UNC5A: variants seen among roughly 807,000 people sequenced by gnomAD.
UNC5A encodes the protein unc-5 netrin receptor A.
Under a neutral mutation model 87.4 loss-of-function variants are expected in UNC5A, and 20 were observed. The observed-to-expected ratio is 0.23, with a 90% confidence interval of 0.16 to 0.33. UNC5A has a LOEUF of 0.33. Among genes scored for constraint, UNC5A ranks in the 10% least tolerant of loss-of-function variants. The pLI, the probability that UNC5A is intolerant of heterozygous loss-of-function variation, is 1.00. For synonymous variants in UNC5A, 438 were observed against 482.3 expected (o/e 0.91, Z 1.20); for missense variants, 844 against 1,133.4 (o/e 0.74, Z 3.67).
chr5:176,863,770 TCC>T (rs1302057758), intron 2 of UNC5A, among the ~76,000 whole-genome samples: 1 of 35,978 alleles, frequency 2.8e-5, no homozygotes, highest in Non-Finnish European at 5.1e-5. Context: ...CTCCTCCCCC[TCC>T]CCTCCTCCTT....
intron 1 of UNC5A, among the ~76,000 whole-genome samples, chr5:176,832,911 C>G (rs796989037): frequency 3.9e-5 from 6 of 152,256 alleles, no homozygotes; most frequent in African/African-American, 1.4e-4. Flanking sequence ...GAGGTGGAGG[C>G]AGGGACAGAA....
chr5:176,837,963 C>T (rs1252724466), intron 1 of UNC5A, among the ~76,000 whole-genome samples: 17 of 152,198 alleles, frequency 1.1e-4, no homozygotes, highest in Non-Finnish European at 8.8e-5. Flanking sequence ...TTTATCCATC[C>T]GCAGAAATTA....
intron 1 of UNC5A, among the ~76,000 whole-genome samples, chr5:176,831,883 C>CTTTTTTTTTTTT (rs1285414321): frequency 1.7e-4 from 20 of 115,302 alleles, no homozygotes; most frequent in African/African-American, 6.6e-4. Context: ...CTTTCTCTCT[C>CTTTTTTTTTTTT]TCTTTTTTTT....
Position 176,869,146 on chromosome 5 carries a change from C to T in UNC5A, c.721+182C>T, listed in dbSNP as rs768279738. Among the ~76,000 whole-genome samples, 6 of 152,090 alleles carry T rather than the reference C, an allele frequency of 3.9e-5. No individual in the cohort carries two copies. Among genetic ancestry groups the T allele is most frequent in the African/African-American group, 7.2e-5 (3 of 41,420 alleles). ...CTGGGGGCCCAGGGGCATGTCTGGG[C>T]AAAGGAGTGGGACAGATTGGAGGTC... On this transcript the variant is annotated intron_variant, in intron 5 of 14. Transcript: ENST00000329542. This position sits in a 1 kb window ranked among gnomAD's most constrained non-coding sequence, Gnocchi z 9.1.
rs753252194 is a variant in UNC5A, at chr5:176,879,352, G to C, written c.2227G>C (p.Gly743Arg). ...GCTGCTGGCTCTGGAGAGTGAAGCG[G>C]GGGTCCCAGCCCTGGTGGGCCCCAG... ...AELLALESEA[G>R]VPALVGPSAF... is the part of the protein sequence containing the mutation. The change falls in exon 14 of 15, where the codon GGG becomes CGG. Residue 743 changes from glycine to arginine, a missense_variant. Gly to Arg is a moderately radical substitution (Grantham distance 125). Transcript: ENST00000329542. The C allele has an allele frequency of 1.2e-5, 19 of 1,611,866 alleles. No individual in the cohort carries two copies. The Admixed American group carries it at 3.2e-4, about 27-fold the overall frequency.
In UNC5A at chr5:176,862,670, C is replaced by T; in HGVS notation, c.117C>T (p.Asn39=). Residue 39 remains asparagine (N), a synonymous_variant, in exon 2 of 15, where the codon AAC becomes AAT. Transcript: ENST00000329542. ...ATVANPVPGA[N]PDLLPHFLVE... ...TGGCCAACCCAGTGCCTGGTGCCAACCCGGACCTGCTTCCCCACTTCCTGG... is the reference window on the plus strand; with the variant it reads ...TGGCCAACCCAGTGCCTGGTGCCAATCCGGACCTGCTTCCCCACTTCCTGG... 6 of 1,613,634 alleles carry T rather than the reference C, an allele frequency of 3.7e-6. No homozygotes were observed. Among genetic ancestry groups the T allele is most frequent in the Non-Finnish European group, 4.2e-6 (5 of 1,179,992 alleles).
rs767500072 is a variant in UNC5A, at chr5:176,877,689, G to A, written c.1621G>A (p.Glu541Lys). 1.2e-5 allele frequency: 19 copies of A among 1,604,320 alleles called. No individual in the cohort carries two copies. The highest frequency in any genetic ancestry group is 4.4e-5 in the South Asian group (4 of 90,478). Residue 541 changes from glutamate to lysine, a missense_variant, in exon 10 of 15, where the codon GAG becomes AAG. Physicochemically the swap from Glu to Lys is moderately conservative, Grantham distance 56 (BLOSUM62 1). This residue lies in a region of UNC5A where 353 missense variants were observed against 387.5 expected (regional missense o/e 0.91). Transcript: ENST00000329542. The stretch of plus-strand genomic sequence containing the variant: ...CCTGCGCCTCAAAAAGCAGTCGTGC[G>A]AGGGCAGCTGGGAGGTGAGCAGGGA... ...WSLRLKKQSC[E>K]GSWEDVLHLG... is the part of the protein sequence containing the mutation.
At chr5:176,857,209 T>C (rs1450450660) in intron 1 of UNC5A, among the ~76,000 whole-genome samples, 1 of 152,270 alleles carries the variant, frequency 6.6e-6, no homozygotes, top group African/African-American at 2.4e-5. Context: ...TTTGCTTTGT[T>C]TCCCCAACTT....
chr5:176,854,498 C>T (rs1757621399), intron 1 of UNC5A, among the ~76,000 whole-genome samples: 1 of 152,214 alleles, frequency 6.6e-6, no homozygotes, highest in African/African-American at 2.4e-5. Flanking sequence ...CACTGGGCTC[C>T]TGCTCCCCCT....
chr5:176,830,783 C>T lies in UNC5A; in HGVS notation c.70+19963C>T, dbSNP rs554243914. 1.1e-4 allele frequency among the ~76,000 whole-genome samples: 11 copies of T among 103,816 alleles called. No homozygotes were observed. In the East Asian group the frequency reaches 1.9e-3, roughly 17 times the overall value. The allele number at this position is 103,816 out of a possible 152,430, so 68.1% of individuals were successfully genotyped here. A position where few individuals can be genotyped will look rare whatever the true frequency, so the allele number is the denominator to read the frequency against. On this transcript the variant is annotated intron_variant, in intron 1 of 14. Transcript: ENST00000329542. ...GTGTGTGTAGGTGTGTGTGTACTGG[C>T]GTGTGTGTGCTGGCATGTGTGTGTG...
In UNC5A at chr5:176,865,867, C is replaced by G. The variant is rs1757963306; in HGVS notation, c.293-2263C>G. 2.9e-6 allele frequency: 1 copy of G among 350,540 alleles called. No homozygotes were observed. Among genetic ancestry groups the G allele is most frequent in the Non-Finnish European group, 5.7e-6 (1 of 176,052 alleles). 21.7% of individuals were successfully genotyped at this position (350,540 alleles called of 1,614,324 possible). A position where few individuals can be genotyped will look rare whatever the true frequency, so the allele number is the denominator to read the frequency against. On this transcript the variant is annotated intron_variant, in intron 2 of 14. Transcript: ENST00000329542. The surrounding 1 kb of genome is among the most constrained non-coding windows in gnomAD (Gnocchi z 5.3). ...CACCCAGAAGGCCAGGGGGCAGGGA[C>G]CAAGGCCTGAAGTGCTGGAACCCAA...
At chr5:176,853,563 A>T (rs1286032951) in intron 1 of UNC5A, among the ~76,000 whole-genome samples, 1 of 152,138 alleles carries the variant, frequency 6.6e-6, no homozygotes, top group African/African-American at 2.4e-5. Flanking sequence ...TGCTTCAGTG[A>T]CACCTTCATG....
intron 1 of UNC5A, among the ~76,000 whole-genome samples, chr5:176,854,758 T>C (rs1177939733): frequency 2.0e-5 from 3 of 152,264 alleles, no homozygotes; most frequent in Non-Finnish European, 2.9e-5. Flanking sequence ...TCTGGCTGTA[T>C]GTCAGGTCCT....
chr5:176,877,754 C>T (rs377728723), intron 10 of UNC5A, 51 bp downstream of exon 10: 143 of 1,541,376 alleles, frequency 9.3e-5, no homozygotes, highest in East Asian at 9.1e-4. Context: ...GCTAACTGCA[C>T]GCTCCACCCG....
chr5:176,858,782 A>AGGAAG (rs1561659079), intron 1 of UNC5A, among the ~76,000 whole-genome samples: 1 of 131,814 alleles, frequency 7.6e-6, no homozygotes, highest in Non-Finnish European at 1.6e-5. Flanking sequence ...AAGGCAAGCA[A>AGGAAG]GCAGGCAGGG....
chr5:176,877,719 A>C lies in UNC5A; in HGVS notation c.1635+16A>C. ...CAGCTGGGAGGTGAGCAGGGAACTGACCCGGGCTCCAGAAGGGAACGTGGG... is the reference window on the plus strand; with the variant it reads ...CAGCTGGGAGGTGAGCAGGGAACTGCCCCGGGCTCCAGAAGGGAACGTGGG... On this transcript the variant is annotated intron_variant, in intron 10 of 14. Transcript: ENST00000329542. 5.1e-6 allele frequency: 8 copies of C among 1,579,758 alleles called. No homozygotes were observed. Among genetic ancestry groups the C allele is most frequent in the Non-Finnish European group, 6.9e-6 (8 of 1,159,232 alleles).
intron 1 of UNC5A, among the ~76,000 whole-genome samples, chr5:176,836,298 T>C (rs1757147418): frequency 6.6e-6 from 1 of 152,192 alleles, no homozygotes; most frequent in Non-Finnish European, 1.5e-5. Context: ...GGGATGCCAG[T>C]ACCCAACCAT....
At chr5:176,862,490 G>C in intron 1 of UNC5A, 134 bp from the exon 2 acceptor site, 3 of 865,984 alleles carry the variant, frequency 3.5e-6, no homozygotes, top group Non-Finnish European at 5.5e-6. Flanking sequence ...AGATTGCCCA[G>C]CTGGGACATG....
In UNC5A at chr5:176,865,466, G is replaced by C. The variant is rs1377248742; in HGVS notation, c.292+2621G>C. 1 of 389,660 alleles carries C rather than the reference G, an allele frequency of 2.6e-6. No homozygotes were observed. Among genetic ancestry groups the C allele is most frequent in the Non-Finnish European group, 5.2e-6 (1 of 192,438 alleles). 24.1% of individuals were successfully genotyped at this position (389,660 alleles called of 1,614,324 possible). A position where few individuals can be genotyped will look rare whatever the true frequency, so the allele number is the denominator to read the frequency against. ...CCTGTGGCCCTGTTCTCTTCCTGCCGGGCAGAGAAGCAGAGCTTGGGACAC... is the reference window on the plus strand; with the variant it reads ...CCTGTGGCCCTGTTCTCTTCCTGCCCGGCAGAGAAGCAGAGCTTGGGACAC... On this transcript the variant is annotated intron_variant, in intron 2 of 14. Coordinates refer to ENST00000329542, the MANE Select transcript of UNC5A (RefSeq NM_133369.3). The surrounding 1 kb of genome is among the most constrained non-coding windows in gnomAD (Gnocchi z 5.3).
Sources: allele counts gnomAD v4.1 joint callset (sites outside exome capture counted in the v4.1 genomes callset), GRCh38; gene constraint gnomAD v4.1.1; regional missense constraint gnomAD v4.1.1; non-coding constraint Gnocchi (gnomAD v3.1); transcripts MANE v1.5; gene names NCBI Gene and HGNC (gene_info 2026-07-23, HGNC 2026-07-21).